DMD: variants seen among roughly 807,000 people sequenced by gnomAD.
DMD encodes the protein mutant dystrophin.
DMD carries 63 observed loss-of-function variants against 330.1 expected under a neutral mutation model. The observed-to-expected ratio is 0.19, with a 90% confidence interval of 0.16 to 0.24. The LOEUF (loss-of-function observed/expected upper bound fraction) is 0.24. DMD is among the 10% of genes least tolerant of loss of function. DMD has a pLI of 1.00. For synonymous variants in DMD, 1,223 were observed against 959.8 expected (o/e 1.27, Z -5.07); for missense variants, 3,344 against 2,684.1 (o/e 1.25, Z -5.43).
At chrX:32,109,117 A>T (rs776537718) in intron 44 of DMD, among the ~76,000 whole-genome samples, 16 of 111,644 alleles carry the variant, frequency 1.4e-4, no homozygotes, top group Non-Finnish European at 3.0e-4. Context: ...TTCTGAAAAA[A>T]GTGTTATTTA....
chrX:31,600,510 GTTTTT>G (rs1177947507), intron 55 of DMD, among the ~76,000 whole-genome samples: 1 of 50,489 alleles, frequency 2.0e-5, no homozygotes, highest in Non-Finnish European at 3.6e-5. Flanking sequence ...GCCAACTATG[GTTTTT>G]TTTTTTTTTT....
intron 47 of DMD, among the ~76,000 whole-genome samples, chrX:31,903,954 T>A (rs2094450537): frequency 8.9e-6 from 1 of 111,849 alleles, no homozygotes; most frequent in South Asian, 3.6e-4. Context: ...TAGACATTCA[T>A]TATATAAAAA....
intron 18 of DMD, among the ~76,000 whole-genome samples, chrX:32,509,465 G>A (rs2045046631): frequency 1.8e-5 from 2 of 111,784 alleles, no homozygotes; most frequent in Non-Finnish European, 3.8e-5. Context: ...TTAAGTGACT[G>A]TGTATCAACA....
chrX:32,061,200 T>A (rs1177314727), intron 44 of DMD, among the ~76,000 whole-genome samples: 2 of 111,075 alleles, frequency 1.8e-5, no homozygotes, highest in African/African-American at 6.5e-5. Context: ...TCAAAATGAT[T>A]GTAATATTAC....
At chrX:31,903,002 T>C (rs2094440948) in intron 47 of DMD, among the ~76,000 whole-genome samples, 1 of 111,402 alleles carries the variant, frequency 9.0e-6, no homozygotes, top group South Asian at 3.7e-4. Flanking sequence ...ATTGTCCCTA[T>C]TATGACACCT....
intron 47 of DMD, among the ~76,000 whole-genome samples, chrX:31,916,145 C>T (rs753268951): frequency 1.3e-4 from 15 of 111,838 alleles, no homozygotes; most frequent in Non-Finnish European, 2.3e-4. Context: ...AGAGGTGAAT[C>T]ATCCTAGCTG....
intron 34 of DMD, among the ~76,000 whole-genome samples, chrX:32,370,469 T>TAA (rs2097871265): frequency 9.0e-6 from 1 of 111,358 alleles, no homozygotes; most frequent in Admixed American, 9.6e-5. Context: ...TATTGACTTT[T>TAA]TAATAACACT....
At chrX:32,771,489 T>C (rs770849341) in intron 7 of DMD, among the ~76,000 whole-genome samples, 29 of 97,402 alleles carry the variant, frequency 3.0e-4, no homozygotes, top group African/African-American at 1.2e-3. Context: ...AATTCCCTAA[T>C]CCCATTTTGT....
chrX:31,180,631 C>G, intron 68 of DMD, 150 bp from the exon 69 acceptor site: 1 of 497,464 alleles, frequency 2.0e-6, no homozygotes, highest in East Asian at 3.7e-5. Flanking sequence ...CTTTCTGCCT[C>G]CAGATTTTTC....
At chrX:33,010,095 C>A (rs1314076880) in intron 2 of DMD, among the ~76,000 whole-genome samples, 1 of 95,977 alleles carries the variant, frequency 1.0e-5, no homozygotes, top group Non-Finnish European at 2.1e-5. Flanking sequence ...TGTATATATA[C>A]ATGTATATGC....
At chrX:31,738,969 C>T (rs2087090397) in intron 51 of DMD, among the ~76,000 whole-genome samples, 1 of 111,375 alleles carries the variant, frequency 9.0e-6, no homozygotes, top group South Asian at 3.8e-4. Flanking sequence ...GGTATAGTTA[C>T]TGGGTACAAA....
intron 47 of DMD, among the ~76,000 whole-genome samples, chrX:31,914,578 GCAA>G: frequency 8.9e-6 from 1 of 112,256 alleles, no homozygotes; most frequent in East Asian, 2.8e-4. Context: ...CCTGTCATTT[GCAA>G]CAACATGGAT....
At chrX:31,355,307 A>T (rs2058616164) in intron 60 of DMD, among the ~76,000 whole-genome samples, 1 of 111,974 alleles carries the variant, frequency 8.9e-6, no homozygotes, top group Admixed American at 9.5e-5. Flanking sequence ...GTGGAAATAC[A>T]CTGCTAGGCA....
chrX:33,023,612 A>C (rs1242262483), intron 1 of DMD, among the ~76,000 whole-genome samples: 2 of 111,656 alleles, frequency 1.8e-5, no homozygotes, highest in Non-Finnish European at 3.8e-5. Flanking sequence ...GCATTTATTT[A>C]TTCTGTATGT....
chrX:32,842,819 T>A (rs755321708), intron 4 of DMD, among the ~76,000 whole-genome samples: 14 of 110,626 alleles, frequency 1.3e-4, no homozygotes, highest in Non-Finnish European at 2.5e-4. Context: ...TTATTATTTT[T>A]TTTTTTGATA....
chrX:32,140,156 G>C (rs986149518), intron 44 of DMD, among the ~76,000 whole-genome samples: 3 of 112,041 alleles, frequency 2.7e-5, no homozygotes, highest in African/African-American at 9.7e-5. Context: ...TCAATGATAT[G>C]ATTTGAATTC....
At chrX:32,299,965 T>C (rs1393529876) in intron 42 of DMD, among the ~76,000 whole-genome samples, 1 of 111,741 alleles carries the variant, frequency 8.9e-6, no homozygotes, top group Non-Finnish European at 1.9e-5. Flanking sequence ...GTCTTATATA[T>C]TTTTGCTTGG....
At chrX:31,608,073 C>T (rs758195293) in intron 55 of DMD, among the ~76,000 whole-genome samples, 1 of 111,539 alleles carries the variant, frequency 9.0e-6, no homozygotes, top group East Asian at 2.8e-4. Context: ...GAATTTTGTA[C>T]ATGATTATCT....
In DMD at chrX:32,306,897, A is replaced by T; in HGVS notation, c.6117+3185T>A. On this transcript the variant is annotated intron_variant, in intron 42 of 78. Coordinates refer to ENST00000357033, the MANE Select transcript of DMD (RefSeq NM_004006.3). ...TTCTCATTATTGCAAAAGGTAAAGCATAGTTGTCATTCTTATTATAAGCTA... is the reference window on the plus strand; with the variant it reads ...TTCTCATTATTGCAAAAGGTAAAGCTTAGTTGTCATTCTTATTATAAGCTA... Among the ~76,000 whole-genome samples the T allele has an allele frequency of 2.7e-5, 3 of 111,345 alleles. 1 individual carries two copies. The Middle Eastern group carries it at 0.014, about 508-fold the overall frequency.
Sources: gnomAD v4.1 joint callset for allele counts (sites outside exome capture counted in the v4.1 genomes callset) on GRCh38, gnomAD v4.1.1 for gene constraint, MANE v1.5 for transcripts, NCBI Gene and HGNC (gene_info 2026-07-23, HGNC 2026-07-21) for gene names.